Variants in LDB2 observed in about 807,000 individuals in gnomAD.
The protein encoded by LDB2 is LIM domain binding 2, also known as LIM domain-binding protein 2.
A neutral mutation model predicts 44.3 loss-of-function variants in LDB2; 12 were observed. The ratio of observed to expected loss-of-function variants is 0.27; its 90% confidence interval spans 0.17 to 0.44. The LOEUF is 0.44. Ranked by LOEUF, LDB2 falls within the 20% of genes least tolerant of loss-of-function variation. The pLI, the probability that LDB2 is intolerant of heterozygous loss-of-function variation, is 1.00. For synonymous variants in LDB2, 164 were observed against 174.8 expected, an observed-to-expected ratio of 0.94 and a Z score of 0.49; for missense variants, 344 against 473.5, an observed-to-expected ratio of 0.73 and a Z score of 2.54.
At chr4:16,554,202 C>T (rs969739371) in intron 5 of LDB2, among the ~76,000 whole-genome samples, 1 of 152,074 alleles carries the variant, frequency 6.6e-6, no homozygotes, top group Non-Finnish European at 1.5e-5. Context: ...AGGCATGCGC[C>T]ACCATGCCCG....
At chr4:16,595,195 T>C (rs1243882655) in intron 3 of LDB2, among the ~76,000 whole-genome samples, 1 of 152,134 alleles carries the variant, frequency 6.6e-6, no homozygotes, top group East Asian at 1.9e-4. Context: ...TAAGTATACT[T>C]GTTCAGCTGC....
chr4:16,706,427 C>T (rs1008207205), intron 2 of LDB2, among the ~76,000 whole-genome samples: 16 of 152,194 alleles, frequency 1.1e-4, no homozygotes, highest in Admixed American at 7.9e-4. Flanking sequence ...GAGCCCTCCT[C>T]GGATATTTAA....
intron 2 of LDB2, among the ~76,000 whole-genome samples, chr4:16,689,522 A>G (rs1750106900): frequency 1.3e-5 from 2 of 152,214 alleles, no homozygotes; most frequent in Non-Finnish European, 2.9e-5. Context: ...TCTTTGTGGT[A>G]TCTCCAGGCC....
intron 1 of LDB2, among the ~76,000 whole-genome samples, chr4:16,855,518 C>T (rs568818638): frequency 1.3e-5 from 2 of 152,144 alleles, no homozygotes; most frequent in South Asian, 4.1e-4. Context: ...AGTTGAAAAG[C>T]AACTCACAAA....
chr4:16,771,197 C>T (rs1579510964), intron 1 of LDB2, among the ~76,000 whole-genome samples: 1 of 151,912 alleles, frequency 6.6e-6, no homozygotes, highest in African/African-American at 2.4e-5. Flanking sequence ...CCACAGGAAA[C>T]CACTAGATAA....
chr4:16,884,345 T>C (rs928100887), intron 1 of LDB2, among the ~76,000 whole-genome samples: 6 of 152,104 alleles, frequency 3.9e-5, no homozygotes, highest in African/African-American at 1.4e-4. Context: ...AGAAGTTAAA[T>C]AATCATGCTA....
rs77163348 is a variant in LDB2 at position 16,865,675 on chromosome 4, G to A, written c.132+32679C>T. On this transcript the variant is annotated intron_variant, in intron 1 of 7. Coordinates refer to ENST00000304523, the MANE Select transcript of LDB2 (RefSeq NM_001290.5). ...CACCAGCAGAGAGCAGTTGACAACC[G>A]ACTCTAGGGTTCAGCTCTTTGCACG... 5.9e-3 allele frequency among the ~76,000 whole-genome samples: 891 copies of A among 152,264 alleles called. 9 individuals carry two copies. The highest frequency in any genetic ancestry group is 0.021 in the African/African-American group (854 of 41,546).
At chr4:16,802,087 G>A (rs1180786713) in intron 1 of LDB2, among the ~76,000 whole-genome samples, 3 of 152,104 alleles carry the variant, frequency 2.0e-5, no homozygotes, top group Non-Finnish European at 2.9e-5. Context: ...GAAATAATGT[G>A]TAGGGAAGGG....
At chr4:16,532,610 G>A (rs1577431968) in intron 5 of LDB2, among the ~76,000 whole-genome samples, 2 of 152,256 alleles carry the variant, frequency 1.3e-5, no homozygotes, top group East Asian at 3.9e-4. Flanking sequence ...GTGTGGTCAC[G>A]AAGAGCTTCT....
intron 1 of LDB2, among the ~76,000 whole-genome samples, chr4:16,825,066 G>A (rs1016789969): frequency 6.6e-6 from 1 of 152,180 alleles, no homozygotes; most frequent in African/African-American, 2.4e-5. Context: ...GGAAATCTGA[G>A]GGAGGCAGCC....
chr4:16,767,415 A>G (rs369414174), intron 1 of LDB2, among the ~76,000 whole-genome samples: 55 of 152,326 alleles, frequency 3.6e-4, no homozygotes, highest in African/African-American at 1.3e-3. Context: ...CCACTCCACA[A>G]TGACTCATGG....
chr4:16,877,654 A>G (rs1157177373), intron 1 of LDB2, among the ~76,000 whole-genome samples: 1 of 152,242 alleles, frequency 6.6e-6, no homozygotes, highest in Non-Finnish European at 1.5e-5. Context: ...ACACATACAT[A>G]TATCAGTAGA....
chr4:16,736,185 C>G (rs1761879193), intron 2 of LDB2, among the ~76,000 whole-genome samples: 2 of 152,206 alleles, frequency 1.3e-5, no homozygotes, highest in African/African-American at 2.4e-5. Flanking sequence ...TATCTGCCTC[C>G]TTTGGATCAC....
chr4:16,839,533 A>C (rs1204697518), intron 1 of LDB2, among the ~76,000 whole-genome samples: 1 of 152,180 alleles, frequency 6.6e-6, no homozygotes, highest in Non-Finnish European at 1.5e-5. Flanking sequence ...ACAAACCCAG[A>C]CTATAACACC....
chr4:16,633,607 A>T (rs1267592826), intron 2 of LDB2, among the ~76,000 whole-genome samples: 1 of 152,172 alleles, frequency 6.6e-6, no homozygotes, highest in Non-Finnish European at 1.5e-5. Flanking sequence ...TCAAGGAAAT[A>T]AGAGAGGACA....
At chr4:16,774,557 G>T (rs534606663) in intron 1 of LDB2, among the ~76,000 whole-genome samples, 3 of 152,256 alleles carry the variant, frequency 2.0e-5, no homozygotes, top group African/African-American at 4.8e-5. Context: ...GCCAAACAAC[G>T]TGCATTATCT....
intron 2 of LDB2, among the ~76,000 whole-genome samples, chr4:16,621,798 A>G (rs925629371): frequency 3.3e-5 from 5 of 152,136 alleles, no homozygotes; most frequent in Non-Finnish European, 7.3e-5. Flanking sequence ...GCCTCAAGCA[A>G]TCTTTCCACC....
At chr4:16,832,915 A>C (rs1326680414) in intron 1 of LDB2, among the ~76,000 whole-genome samples, 1 of 152,186 alleles carries the variant, frequency 6.6e-6, no homozygotes, top group Admixed American at 6.5e-5. Context: ...AAATCCTATA[A>C]ATTGAGGGAC....
chr4:16,879,195 T>C (rs1481672473), intron 1 of LDB2, among the ~76,000 whole-genome samples: 3 of 152,206 alleles, frequency 2.0e-5, no homozygotes, highest in African/African-American at 7.2e-5. Flanking sequence ...ATATTCCCTA[T>C]TGCAATAAAG....
Sources: gnomAD v4.1 joint callset for allele counts (sites outside exome capture counted in the v4.1 genomes callset) on GRCh38, gnomAD v4.1.1 for gene constraint, MANE v1.5 for transcripts, NCBI Gene and HGNC (gene_info 2026-07-23, HGNC 2026-07-21) for gene names.